ACACA: variants seen among roughly 807,000 people sequenced by gnomAD.
The protein encoded by ACACA is acetyl-CoA carboxylase alpha, also known as acetyl-CoA carboxylase 1.
Under a neutral mutation model 296.1 loss-of-function variants are expected in ACACA, and 103 were observed. That is an observed-to-expected ratio of 0.35 (90% CI 0.30 to 0.41). ACACA has a LOEUF of 0.41. Ranked by LOEUF, ACACA falls within the 10% of genes least tolerant of loss-of-function variation. The probability of loss-of-function intolerance (pLI) is 1.00; values close to 1 mark genes in which losing one functional copy is unlikely to be tolerated. For synonymous variants in ACACA, 953 were observed against 1,038.6 expected (o/e 0.92, Z 1.58); for missense variants, 1,554 against 2,989.7 (o/e 0.52, Z 11.20).
intron 3 of ACACA, among the ~76,000 whole-genome samples, chr17:37,290,045 A>G (rs1452038791): frequency 6.6e-6 from 1 of 151,814 alleles, no homozygotes; most frequent in Non-Finnish European, 1.5e-5. Flanking sequence ...AAGCTGTTCA[A>G]ACATCTTTGG....
intron 1 of ACACA, among the ~76,000 whole-genome samples, chr17:37,381,286 C>T (rs937896396): frequency 3.3e-5 from 5 of 151,882 alleles, no homozygotes; most frequent in Non-Finnish European, 2.9e-5. Context: ...CCCAGGTTCA[C>T]GTGATTCTCC....
At chr17:37,169,266 C>A (rs2076798581) in intron 41 of ACACA, among the ~76,000 whole-genome samples, 1 of 152,302 alleles carries the variant, frequency 6.6e-6, no homozygotes, top group South Asian at 2.1e-4. Context: ...GCACCATAGC[C>A]ATTTCCAGCT....
chr17:37,206,285 G>A (rs2078497479), intron 32 of ACACA, among the ~76,000 whole-genome samples: 3 of 151,840 alleles, frequency 2.0e-5, no homozygotes, highest in African/African-American at 7.3e-5. Flanking sequence ...ATCAAACAAT[G>A]GAAGTATCAA....
intron 10 of ACACA, among the ~76,000 whole-genome samples, chr17:37,270,450 TCCTATAAGC>T (rs1371663329): frequency 6.6e-6 from 1 of 152,114 alleles, no homozygotes; most frequent in Non-Finnish European, 1.5e-5. Flanking sequence ...CATTATGAGG[TCCTATAAGC>T]CATACGCACC....
chr17:37,227,712 T>A (rs1285998800), intron 25 of ACACA, among the ~76,000 whole-genome samples: 1 of 151,680 alleles, frequency 6.6e-6, no homozygotes, highest in Non-Finnish European at 1.5e-5. Context: ...TACAAAAAAT[T>A]AGCCGGGCGT....
At position 37,130,156 on chromosome 17, in the gene ACACA, G is replaced by C. The variant is rs1416561539; in HGVS notation, c.5742C>G (p.Asn1914Lys). ...ACACAGTGCAGTGGGTCACCCCATT[G>C]TTGTGCATAATCTGGATGCCCCCCA... ...NQLGGIQIMH[N>K]NGVTHCTVCD... Residue 1914 changes from asparagine to lysine, a missense_variant, in exon 46 of 56, where the codon AAC (asparagine) becomes AAG (lysine). Asn to Lys is a moderately conservative substitution (Grantham distance 94). Transcript: ENST00000616317. 6 of 1,614,058 alleles carry C rather than the reference G, an allele frequency of 3.7e-6. No individual in the cohort carries two copies. The highest frequency in any genetic ancestry group is 5.1e-6 in the Non-Finnish European group (6 of 1,180,030).
At chr17:37,392,848 A>G (rs1286567895) in intron 1 of ACACA, 1 of 152,196 alleles carries the variant, frequency 6.6e-6, no homozygotes, top group Non-Finnish European at 1.5e-5. Context: ...AAGAAGCTCC[A>G]AAGAACCTCT....
intron 51 of ACACA, among the ~76,000 whole-genome samples, 183 bp from the exon 52 acceptor site, chr17:37,111,826 G>T (rs760988576): frequency 1.3e-5 from 2 of 152,096 alleles, no homozygotes; most frequent in South Asian, 4.1e-4. Context: ...TCTAAGTGAG[G>T]TATGAGAAAG....
intron 3 of ACACA, among the ~76,000 whole-genome samples, chr17:37,324,481 C>T (rs1235886246): frequency 3.3e-5 from 5 of 151,190 alleles, no homozygotes; most frequent in Non-Finnish European, 7.4e-5. Flanking sequence ...ACCAGCCTGA[C>T]CAACATGGAG....
At chr17:37,338,995 G>C (rs2048266251) in intron 2 of ACACA, among the ~76,000 whole-genome samples, 1 of 151,706 alleles carries the variant, frequency 6.6e-6, no homozygotes, top group South Asian at 2.1e-4. Context: ...AGGGGTAAAA[G>C]GGAGGGAAAA....
chr17:37,151,176 T>C, intron 44 of ACACA, 125 bp downstream of exon 44: 4 of 1,097,174 alleles, frequency 3.6e-6, no homozygotes, highest in Non-Finnish European at 4.0e-6. Context: ...GATTAAAATA[T>C]AATTATAGAC....
intron 1 of ACACA, among the ~76,000 whole-genome samples, chr17:37,403,953 A>C (rs2051377599): frequency 6.6e-6 from 1 of 151,964 alleles, no homozygotes; most frequent in East Asian, 1.9e-4. Context: ...TTGCATTTTT[A>C]GCAGAGATGG....
Position 37,226,456 on chromosome 17 carries a change from ATTGT to A in ACACA, c.3247-8_3247-5del. 4 of 1,608,184 alleles carry A rather than the reference ATTGT, an allele frequency of 2.5e-6. No homozygotes were observed. The highest frequency in any genetic ancestry group is 3.4e-6 in the Non-Finnish European group (4 of 1,174,576). ...GGTCCCGGCCACACAACTGATCCTA[ATTGT>A]TAATGTAAAAAAGAACATAGATAGT... On this transcript the variant is annotated splice_region_variant and splice_polypyrimidine_tract_variant and intron_variant, in intron 25 of 55. Transcript: ENST00000616317.
intron 1 of ACACA, among the ~76,000 whole-genome samples, chr17:37,357,072 G>A (rs1234242961): frequency 1.3e-5 from 2 of 152,160 alleles, no homozygotes; most frequent in Non-Finnish European, 2.9e-5. Context: ...ACAATACCAG[G>A]TCTTCAGCAT....
At chr17:37,127,599 C>T (rs752049510) in intron 47 of ACACA, among the ~76,000 whole-genome samples, 4 of 152,214 alleles carry the variant, frequency 2.6e-5, no homozygotes, top group Non-Finnish European at 4.4e-5. Flanking sequence ...CGGTGGCTCA[C>T]GCCTATAATC....
At chr17:37,267,661 A>G (rs868121967) in intron 10 of ACACA, among the ~76,000 whole-genome samples, 89 of 152,220 alleles carry the variant, frequency 5.8e-4, no homozygotes, top group African/African-American at 2.0e-3. Flanking sequence ...CCTGGGCTCA[A>G]GGGATTCTCC....
At chr17:37,303,563 A>G (rs777002668) in intron 3 of ACACA, among the ~76,000 whole-genome samples, 5 of 152,230 alleles carry the variant, frequency 3.3e-5, no homozygotes, top group Non-Finnish European at 5.9e-5. Context: ...GTTTTATAAG[A>G]AAGTGTCAAA....
intron 49 of ACACA, 139 bp from the exon 50 acceptor site, chr17:37,121,629 C>G (rs1163244906): frequency 3.6e-6 from 4 of 1,112,358 alleles, no homozygotes; most frequent in East Asian, 2.5e-5. Context: ...TCAAGATCAT[C>G]ATGTTTGGAG....
At chr17:37,285,117 A>G (rs1210985249) in intron 3 of ACACA, 147 bp from the exon 4 acceptor site, 5 of 936,936 alleles carry the variant, frequency 5.3e-6, no homozygotes, top group Non-Finnish European at 8.2e-6. Context: ...AAAAGAGAGA[A>G]AAGAAAATGA....
Sources: allele counts gnomAD v4.1 joint callset (sites outside exome capture counted in the v4.1 genomes callset), GRCh38; gene constraint gnomAD v4.1.1; transcripts MANE v1.5; gene names NCBI Gene and HGNC (gene_info 2026-07-23, HGNC 2026-07-21).